Variants in NRG1 observed in about 807,000 individuals in gnomAD.
NRG1 encodes pro-neuregulin-1, membrane-bound isoform.
A neutral mutation model predicts 63.8 loss-of-function variants in NRG1; 18 were observed. The observed-to-expected ratio is 0.28, with a 90% CI of 0.19 to 0.42. The LOEUF (loss-of-function observed/expected upper bound fraction) is 0.42, where lower values mean the gene tolerates loss of function less well. Among genes scored for constraint, NRG1 ranks in the 10% least tolerant of loss-of-function variants. The pLI is 1.00. For missense variants in NRG1, 762 were observed against 814.7 expected, an observed-to-expected ratio of 0.94 and a Z score of 0.79; for synonymous variants, 302 against 301.3, an observed-to-expected ratio of 1.00 and a Z score of -0.02.
chr8:31,924,296 A>G (rs1031130127), intron 1 of NRG1, among the ~76,000 whole-genome samples: 1 of 151,842 alleles, frequency 6.6e-6, no homozygotes, highest in Non-Finnish European at 1.5e-5. Context: ...GGTTGCAGTG[A>G]GCTGAGATTG....
At chr8:32,673,435 A>G (rs565380590) in intron 5 of NRG1, among the ~76,000 whole-genome samples, 17 of 152,352 alleles carry the variant, frequency 1.1e-4, no homozygotes, top group African/African-American at 3.6e-4. Context: ...TTTGTGTAAT[A>G]AATGACAGTC....
At chr8:32,508,506 C>T (rs1054703262) in intron 1 of NRG1, among the ~76,000 whole-genome samples, 1 of 151,176 alleles carries the variant, frequency 6.6e-6, no homozygotes, top group African/African-American at 2.4e-5. Context: ...ACTATGTTGG[C>T]CAGGCTGGTC....
intron 5 of NRG1, among the ~76,000 whole-genome samples, chr8:32,717,761 G>A (rs184958325): frequency 6.6e-6 from 1 of 152,204 alleles, no homozygotes. Context: ...GTTTCAAGCT[G>A]CATGGGCGAC....
chr8:32,308,203 C>T (rs1856436092), intron 1 of NRG1, among the ~76,000 whole-genome samples: 1 of 152,314 alleles, frequency 6.6e-6, no homozygotes, highest in Admixed American at 6.5e-5. Flanking sequence ...ACTTAATAAA[C>T]ATCAATACAT....
intron 1 of NRG1, among the ~76,000 whole-genome samples, chr8:32,129,668 C>T (rs1163653039): frequency 2.0e-5 from 3 of 151,868 alleles, no homozygotes; most frequent in Non-Finnish European, 4.4e-5. Flanking sequence ...AACCAATTAA[C>T]TAATTACTAA....
chr8:32,760,847 C>T, intron 11 of NRG1: 1 of 1,004,054 alleles, frequency 1.0e-6, no homozygotes, highest in Non-Finnish European at 1.2e-6. Context: ...CTAACCCTGT[C>T]TTACCTTCCA....
At chr8:31,967,118 G>T (rs1266953623) in intron 1 of NRG1, among the ~76,000 whole-genome samples, 1 of 152,110 alleles carries the variant, frequency 6.6e-6, no homozygotes, top group African/African-American at 2.4e-5. Flanking sequence ...CCAGGCTGTG[G>T]ATGGCCTTCA....
intron 1 of NRG1, among the ~76,000 whole-genome samples, chr8:31,854,227 G>A (rs921818910): frequency 2.6e-4 from 39 of 151,698 alleles, no homozygotes; most frequent in Middle Eastern, 3.4e-3. Context: ...ATTCGGCTGT[G>A]AATCCATCTG....
chr8:32,647,757 G>T (rs749243617), intron 5 of NRG1: 1 of 1,595,980 alleles, frequency 6.3e-7, no homozygotes, highest in African/African-American at 1.4e-5. Context: ...GGTCGCCGCC[G>T]AGAGGTCCTC....
At chr8:32,122,428 T>A (rs955912567) in intron 1 of NRG1, among the ~76,000 whole-genome samples, 4 of 151,988 alleles carry the variant, frequency 2.6e-5, no homozygotes, top group Non-Finnish European at 4.4e-5. Flanking sequence ...CCCTCATGAC[T>A]ATATAGTCTC....
intron 1 of NRG1, among the ~76,000 whole-genome samples, chr8:31,840,123 A>G (rs1826050058): frequency 6.6e-6 from 1 of 152,200 alleles, no homozygotes; most frequent in African/African-American, 2.4e-5. Flanking sequence ...GGAGTAACAA[A>G]CAATTTACGA....
rs570219984 is a variant in NRG1, at chr8:31,753,101, A to C, written c.37+113670A>C. Among the ~76,000 whole-genome samples the C allele has an allele frequency of 2.8e-4, 43 of 152,198 alleles. No individual in the cohort carries two copies. The South Asian group carries it at 8.5e-3, about 30-fold the overall frequency. Reference sequence around the variant, plus strand: ...TTGACTAGAAGATCAGGAAGATCCCAATCAGCTGTAACACCCCTATGATAT... The same window carrying C: ...TTGACTAGAAGATCAGGAAGATCCCCATCAGCTGTAACACCCCTATGATAT... On this transcript the variant is annotated intron_variant, in intron 1 of 10. Coordinates refer to the NRG1 transcript ENST00000519301.
rs73582452 is a variant in NRG1 at position 31,943,775 on chromosome 8, G to A, written c.37+304344G>A. ...ATTTTTCTGGCTAAATGTAAGAAGA[G>A]GGAATGAACAATTGGGTTAGAACCT... On this transcript the variant is annotated intron_variant, in intron 1 of 10. Coordinates refer to the NRG1 transcript ENST00000519301. 6.9e-3 allele frequency among the ~76,000 whole-genome samples: 1,046 copies of A among 152,188 alleles called. 10 individuals are homozygous for A. The highest frequency in any genetic ancestry group is 0.024 in the African/African-American group (1,005 of 41,528).
In NRG1 at chr8:31,794,048, CAG is replaced by C. The variant is rs150160162; in HGVS notation, c.37+154620_37+154621del. On this transcript the variant is annotated intron_variant, in intron 1 of 10. Coordinates refer to the NRG1 transcript ENST00000519301. ...ATACTTCTCTGCTGGTTCCTCCTAA[CAG>C]AGTCTTTGCAGATTTTAAAGTAAAA... Among the ~76,000 whole-genome samples, 680 of 152,226 alleles carry C rather than the reference CAG, an allele frequency of 4.5e-3. 20 individuals carry two copies. In the East Asian group the frequency reaches 0.089, roughly 20 times the overall value.
At chr8:32,196,943 CTTTTT>C (rs773398472) in intron 1 of NRG1, among the ~76,000 whole-genome samples, 33 of 27,424 alleles carry the variant, frequency 1.2e-3, no homozygotes, top group South Asian at 2.7e-3. Context: ...TCAGAACATT[CTTTTT>C]TTTTTTTTTT....
At chr8:32,062,524 G>T (rs956464305) in intron 1 of NRG1, among the ~76,000 whole-genome samples, 1 of 152,042 alleles carries the variant, frequency 6.6e-6, no homozygotes, top group African/African-American at 2.4e-5. Context: ...CATTGCCTGG[G>T]TAAGTGAGGG....
intron 1 of NRG1, among the ~76,000 whole-genome samples, chr8:32,215,508 A>G (rs1845123529): frequency 6.6e-6 from 1 of 152,130 alleles, no homozygotes; most frequent in African/African-American, 2.4e-5. Context: ...TCATCTCACT[A>G]ATCCTCACAC....
chr8:32,722,168 G>A (rs17669659), intron 5 of NRG1: 12 of 759,568 alleles, frequency 1.6e-5, no homozygotes, highest in East Asian at 1.4e-4. Flanking sequence ...TAAGTAACTC[G>A]TAAAGAATTG....
At chr8:31,801,143 G>A (rs569798676) in intron 1 of NRG1, among the ~76,000 whole-genome samples, 2 of 151,970 alleles carry the variant, frequency 1.3e-5, no homozygotes, top group East Asian at 1.9e-4. Flanking sequence ...CACCGTTCCC[G>A]GCCTCTCCAG....
Sources: gnomAD v4.1 joint callset for allele counts (sites outside exome capture counted in the v4.1 genomes callset) on GRCh38, gnomAD v4.1.1 for gene constraint, MANE v1.5 for transcripts, NCBI Gene and HGNC (gene_info 2026-07-23, HGNC 2026-07-21) for gene names.